Variants in SLC17A6 observed in about 807,000 individuals in gnomAD.
SLC17A6 encodes the protein vesicular glutamate transporter 2.
In SLC17A6, 35 loss-of-function variants were observed where a neutral mutation model predicts 67.1. The ratio of observed to expected loss-of-function variants is 0.52; its 90% CI spans 0.40 to 0.69. The LOEUF is 0.69. Among genes scored for constraint, SLC17A6 ranks in the 30% least tolerant of loss-of-function variants. SLC17A6 has a pLI of 0.00. For synonymous variants in SLC17A6, 285 were observed against 252.3 expected, an observed-to-expected ratio of 1.13 and a Z score of -1.23; for missense variants, 588 against 723.9, an observed-to-expected ratio of 0.81 and a Z score of 2.15.
In SLC17A6 at chr11:22,365,691, T is replaced by C; in HGVS notation, c.891+2T>C. On this transcript the variant is annotated splice_donor_variant, in intron 7 of 11. Transcript: ENST00000263160. LOFTEE classifies it high-confidence loss of function. ...GCAAATCTTTTAGGTGCAATGGAAG[T>C]AAGAAATTTATTATGGTGTATATTC... is the stretch of plus-strand genomic sequence containing the variant. 6.2e-7 allele frequency: 1 copy of C among 1,612,418 alleles called. No individual in the cohort carries two copies. Among genetic ancestry groups the C allele is most frequent in the Non-Finnish European group, 8.5e-7 (1 of 1,179,208 alleles).
At chr11:22,358,215 A>C (rs1317976564) in intron 3 of SLC17A6, among the ~76,000 whole-genome samples, 1 of 152,036 alleles carries the variant, frequency 6.6e-6, no homozygotes, top group African/African-American at 2.4e-5. Flanking sequence ...AGATTAGCTC[A>C]TTGGAGTTAG....
At chr11:22,349,493 C>T (rs959125219) in intron 3 of SLC17A6, among the ~76,000 whole-genome samples, 2 of 152,140 alleles carry the variant, frequency 1.3e-5, no homozygotes, top group East Asian at 1.9e-4. Flanking sequence ...TGTACTTTGC[C>T]GATAAGAGTT....
At chr11:22,340,154 C>A (rs1006250763) in intron 1 of SLC17A6, among the ~76,000 whole-genome samples, 2 of 152,192 alleles carry the variant, frequency 1.3e-5, no homozygotes, top group Non-Finnish European at 2.9e-5. Flanking sequence ...ATTTCACTTG[C>A]TTTACCCGTG....
chr11:22,375,871 C>A, intron 9 of SLC17A6, 111 bp from the exon 10 acceptor site: 1 of 612,030 alleles, frequency 1.6e-6, no homozygotes, highest in Non-Finnish European at 2.9e-6. Flanking sequence ...TGAAGATAGA[C>A]TCTCTGAAGT....
chr11:22,353,906 C>G (rs901602796), intron 3 of SLC17A6, among the ~76,000 whole-genome samples: 1 of 152,042 alleles, frequency 6.6e-6, no homozygotes, highest in Non-Finnish European at 1.5e-5. Context: ...ATTCCCAAAG[C>G]AGAACAAGAA....
At chr11:22,350,219 T>C (rs1855923214) in intron 3 of SLC17A6, among the ~76,000 whole-genome samples, 1 of 152,218 alleles carries the variant, frequency 6.6e-6, no homozygotes, top group Admixed American at 6.5e-5. Context: ...TTTCCAAACA[T>C]TTCTGTGTCA....
rs777921105 is a variant in SLC17A6, at chr11:22,362,841, A to C, written c.748+16A>C. 3 of 1,601,960 alleles carry C rather than the reference A, an allele frequency of 1.9e-6. No individual in the cohort carries two copies. In the African/African-American group the frequency reaches 4.0e-5, roughly 21 times the overall value. ...TATGTCTACGGTATGTTATATTTCTATGCAATAGAGTTAAAGGAAATGTGC... is the reference window on the plus strand; with the variant it reads ...TATGTCTACGGTATGTTATATTTCTCTGCAATAGAGTTAAAGGAAATGTGC... On this transcript the variant is annotated intron_variant, in intron 6 of 11. Coordinates refer to ENST00000263160, the MANE Select transcript of SLC17A6 (RefSeq NM_020346.3).
rs1005808777 is a variant in SLC17A6, at chr11:22,345,434, C to T, written c.458+2069C>T. Among the ~76,000 whole-genome samples the T allele has an allele frequency of 3.3e-4, 50 of 151,880 alleles. No individual in the cohort carries two copies. In the East Asian group the frequency reaches 9.7e-3, roughly 29 times the overall value. Reference sequence around the variant, plus strand: ...TCAAGTGATTCTCCTGCCTCAGCCTCCCGAGTAGTGGGACTACAGGTGTGA... The same window carrying T: ...TCAAGTGATTCTCCTGCCTCAGCCTTCCGAGTAGTGGGACTACAGGTGTGA... On this transcript the variant is annotated intron_variant, in intron 3 of 11. Coordinates refer to ENST00000263160, the MANE Select transcript of SLC17A6 (RefSeq NM_020346.3).
chr11:22,370,011 C>A, intron 7 of SLC17A6, 28 bp from the exon 8 acceptor site: 1 of 1,597,898 alleles, frequency 6.3e-7, no homozygotes, highest in South Asian at 1.1e-5. Flanking sequence ...TTAAAATGGT[C>A]ATAATGTCTC....
intron 1 of SLC17A6, 83 bp from the exon 2 acceptor site, chr11:22,341,445 C>G (rs1411561729): frequency 3.9e-6 from 6 of 1,542,886 alleles, no homozygotes; most frequent in Non-Finnish European, 5.2e-6. Context: ...CCAACCCCGA[C>G]GGGTCCTGAA....
intron 10 of SLC17A6, 123 bp from the exon 11 acceptor site, chr11:22,376,422 A>G: frequency 9.4e-7 from 1 of 1,065,332 alleles, no homozygotes; most frequent in Non-Finnish European, 1.4e-6. Context: ...AAATTATCAC[A>G]AAGTAATTAA....
chr11:22,351,061 A>G (rs1366751741), intron 3 of SLC17A6, among the ~76,000 whole-genome samples: 1 of 152,080 alleles, frequency 6.6e-6, no homozygotes, highest in African/African-American at 2.4e-5. Context: ...TGCTTTTTCT[A>G]GAGTGGAAAG....
intron 8 of SLC17A6, among the ~76,000 whole-genome samples, chr11:22,371,246 T>C (rs1421955992): frequency 6.6e-6 from 1 of 152,128 alleles, no homozygotes; most frequent in Non-Finnish European, 1.5e-5. Flanking sequence ...GTGCTGGCAA[T>C]GGTCTTGCTA....
intron 5 of SLC17A6, 64 bp downstream of exon 5, chr11:22,361,048 T>C (rs1245316385): frequency 6.9e-7 from 1 of 1,446,736 alleles, no homozygotes; most frequent in Non-Finnish European, 9.6e-7. Flanking sequence ...GAATAAGAAT[T>C]GAAAATTTGG....
At position 22,377,394 on chromosome 11, in the gene SLC17A6, T is replaced by C. The variant is rs1480540940; in HGVS notation, c.1414-11T>C. On this transcript the variant is annotated splice_polypyrimidine_tract_variant and intron_variant, in intron 11 of 11. Transcript: ENST00000263160. ...AGTCAGTTCTCACAGTGCTGCTTTTTCTCACTGCAGTCACGTGAAGAGTGG... is the reference window on the plus strand; with the variant it reads ...AGTCAGTTCTCACAGTGCTGCTTTTCCTCACTGCAGTCACGTGAAGAGTGG... 11 of 1,588,430 alleles carry C rather than the reference T, an allele frequency of 6.9e-6. No individual in the cohort carries two copies. Among genetic ancestry groups the C allele is most frequent in the Non-Finnish European group, 9.4e-6 (11 of 1,164,944 alleles).
chr11:22,360,135 A>G (rs903765008), intron 4 of SLC17A6, among the ~76,000 whole-genome samples: 5 of 151,874 alleles, frequency 3.3e-5, no homozygotes. Flanking sequence ...CCTTTCTCAT[A>G]CTATGCAGTC....
rs768744710 is a variant in SLC17A6 at position 22,375,972 on chromosome 11, G to T, written c.1175-10G>T. 2.5e-6 allele frequency: 4 copies of T among 1,583,810 alleles called. No homozygotes were observed. The highest frequency in any genetic ancestry group is 2.7e-5 in the African/African-American group (2 of 73,958). On this transcript the variant is annotated splice_polypyrimidine_tract_variant and intron_variant, in intron 9 of 11. Transcript: ENST00000263160. ...ATTTCTGAAGAATTTCTATGTGTTT[G>T]CTTCTGAAGGTTTTGGCATGGAAGC...
chr11:22,357,610 G>C (rs1448495654), intron 3 of SLC17A6, among the ~76,000 whole-genome samples: 1 of 152,108 alleles, frequency 6.6e-6, no homozygotes, highest in East Asian at 1.9e-4. Context: ...TAAAGAATGG[G>C]TAATATTCAT....
intron 7 of SLC17A6, 26 bp downstream of exon 7, chr11:22,365,715 T>A (rs1427736500): frequency 2.5e-6 from 4 of 1,599,406 alleles, no homozygotes; most frequent in Non-Finnish European, 3.4e-6. Flanking sequence ...TGGTGTATAT[T>A]CCTATCTTAT....
Sources: allele counts gnomAD v4.1 joint callset (sites outside exome capture counted in the v4.1 genomes callset), GRCh38; gene constraint gnomAD v4.1.1; transcripts MANE v1.5; gene names NCBI Gene and HGNC (gene_info 2026-07-23, HGNC 2026-07-21).